The following IGSF9 variants were observed in gnomAD, a reference collection of about 807,000 sequenced individuals.
IGSF9 encodes protein turtle homolog A.
In IGSF9, 87 loss-of-function variants were observed where a neutral mutation model predicts 121.7. The ratio of observed to expected loss-of-function variants is 0.71; its 90% CI spans 0.60 to 0.85. The LOEUF (loss-of-function observed/expected upper bound fraction) is 0.85, where lower values mean the gene tolerates loss of function less well. Ranked by LOEUF, IGSF9 falls within the 40% of genes least tolerant of loss-of-function variation. The pLI, the probability that IGSF9 is intolerant of heterozygous loss-of-function variation, is 0.00. For synonymous variants in IGSF9, 640 were observed against 648.4 expected, an observed-to-expected ratio of 0.99 and a Z score of 0.20; for missense variants, 1,462 against 1,565.3, an observed-to-expected ratio of 0.93 and a Z score of 1.11.
intron 4 of IGSF9, 60 bp from the exon 5 acceptor site, chr1:159,936,968 C>A: frequency 6.4e-7 from 1 of 1,568,248 alleles, no homozygotes; most frequent in Non-Finnish European, 8.7e-7. Context: ...AAGCAGTGTC[C>A]AAGGGCCAGG....
In IGSF9 at chr1:159,928,936, G is replaced by C. The variant is rs930596827; in HGVS notation, c.2452C>G (p.Leu818Val). ...GSPVPSLRQS[L>V]LWGDPAGTPS... ...GTTCCGGCAGGATCCCCCCAGAGCA[G>C]ACTCTGGCGCAGGCTGGGGACTGGG... The change falls in exon 19 of 21, where the codon CTG becomes GTG. Residue 818 changes from leucine (L) to valine (V), a missense_variant. This residue lies in a region of IGSF9 where 808 missense variants were observed against 815.2 expected (regional missense o/e 0.99). Coordinates refer to ENST00000368094, the MANE Select transcript of IGSF9 (RefSeq NM_001135050.2). 1 of 1,561,454 alleles carries C rather than the reference G, an allele frequency of 6.4e-7. No individual in the cohort carries two copies.
Position 159,929,386 on chromosome 1 carries a change from A to G in IGSF9, c.2334T>C (p.Pro778=). Residue 778 remains proline, a synonymous_variant, in exon 18 of 21, where the codon CCT becomes CCC. Transcript: ENST00000368094. ...ACTTCCCGGTCGGAGAGAAGATAAGAGGTGGATCTGGAAGGGCATGAGAAT... is the reference window on the plus strand; with the variant it reads ...ACTTCCCGGTCGGAGAGAAGATAAGGGGTGGATCTGGAAGGGCATGAGAAT... ...RRRKRLRQDP[P]LIFSPTGKSA... 1 of 1,614,148 alleles carries G rather than the reference A, an allele frequency of 6.2e-7. No homozygotes were observed. Among genetic ancestry groups the G allele is most frequent in the Non-Finnish European group, 8.5e-7 (1 of 1,179,998 alleles).
chr1:159,935,695 G>A (rs1023748118), intron 6 of IGSF9, among the ~76,000 whole-genome samples: 11 of 152,206 alleles, frequency 7.2e-5, no homozygotes, highest in African/African-American at 1.2e-4. Context: ...GCACGACCTC[G>A]TTTAATCCTC....
At chr1:159,936,589 G>T in intron 5 of IGSF9, 73 bp from the exon 6 acceptor site, 1 of 1,536,846 alleles carries the variant, frequency 6.5e-7, no homozygotes. Flanking sequence ...AGTTTGGCCA[G>T]CAGAGGGAGG....
chr1:159,930,958 A>G (rs1176113149), intron 13 of IGSF9, 91 bp from the exon 14 acceptor site: 6 of 1,444,840 alleles, frequency 4.2e-6, no homozygotes, highest in Non-Finnish European at 5.6e-6. Context: ...CCCTCTGCTC[A>G]ACCATCCAAG....
rs1393363965 is a variant in IGSF9, at chr1:159,927,365, C to G, written c.3520G>C (p.Glu1174Gln). Residue 1174 changes from glutamate to glutamine, a missense_variant, in exon 21 of 21, where the codon GAA becomes CAA. Transcript: ENST00000368094. ...PAYRQPVPHP[E>Q]QATLL ...GATGTTCACAGCAGAGTGGCCTGTT[C>G]GGGGTGGGGGACTGGCTGTCGATAG... is the stretch of plus-strand genomic sequence containing the variant. The G allele has an allele frequency of 6.2e-7, 1 of 1,613,694 alleles. No homozygotes were observed. Among genetic ancestry groups the G allele is most frequent in the Non-Finnish European group, 8.5e-7 (1 of 1,179,986 alleles).
intron 13 of IGSF9, 106 bp from the exon 14 acceptor site, chr1:159,930,973 C>T (rs188609237): frequency 7.0e-7 from 1 of 1,421,252 alleles, no homozygotes. Context: ...TCCAAGGTCT[C>T]AGGACCTTGG....
chr1:159,927,633 C>A, intron 20 of IGSF9, 107 bp from the exon 21 acceptor site: 1 of 1,539,746 alleles, frequency 6.5e-7, no homozygotes, highest in African/African-American at 1.4e-5. Flanking sequence ...CCCAAGGGGG[C>A]AAGGCACAGT....
intron 17 of IGSF9, 58 bp downstream of exon 17, chr1:159,929,580 G>T: frequency 6.5e-7 from 1 of 1,543,912 alleles, no homozygotes; most frequent in Non-Finnish European, 8.8e-7. Flanking sequence ...AGGTAGGAGG[G>T]GCTTAAGGAG....
intron 3 of IGSF9, among the ~76,000 whole-genome samples, chr1:159,939,934 C>T (rs1557936932): frequency 6.6e-6 from 1 of 152,164 alleles, no homozygotes; most frequent in Admixed American, 6.5e-5. Context: ...TCTGCCTGGC[C>T]GCTAAGCCCT....
chr1:159,928,843 G>A lies in IGSF9; in HGVS notation c.2545C>T (p.Pro849Ser), dbSNP rs1650858379. 1.3e-6 allele frequency: 2 copies of A among 1,561,802 alleles called. No homozygotes were observed. Among genetic ancestry groups the A allele is most frequent in the Non-Finnish European group, 1.7e-6 (2 of 1,156,106 alleles). ...GGCCCCATCACAAAGCGCCCGTCTGGGCCCCGGCAAATGGGCTCCAGAGGT... is the reference window on the plus strand; with the variant it reads ...GGCCCCATCACAAAGCGCCCGTCTGAGCCCCGGCAAATGGGCTCCAGAGGT... The part of the protein sequence containing the change: ...PLPLEPICRG[P>S]DGRFVMGPTV... Residue 849 changes from proline (P) to serine (S), a missense_variant, in exon 19 of 21, where the codon CCA becomes TCA. Coordinates refer to ENST00000368094, the MANE Select transcript of IGSF9 (RefSeq NM_001135050.2).
In IGSF9 at chr1:159,936,841, CA is replaced by C; in HGVS notation, c.467del (p.Leu156ArgfsTer13). On this transcript the variant is annotated frameshift_variant, in exon 5 of 21. Coordinates refer to ENST00000368094, the MANE Select transcript of IGSF9 (RefSeq NM_001135050.2). LOFTEE classifies it high-confidence loss of function. ...GGGGGCTGCCACGGGCCACACAACG[CA>C]GGGTCACAGGCTCCAGTTCCTGCAC... ...LEVQELEPVTLRCVARGSPLP... is the reference protein window; with the variant it reads ...LEVQELEPVTXRCVARGSPLP... 6.2e-7 allele frequency: 1 copy of C among 1,614,218 alleles called. No homozygotes were observed. Among genetic ancestry groups the C allele is most frequent in the Non-Finnish European group, 8.5e-7 (1 of 1,180,024 alleles).
In IGSF9 at chr1:159,936,404, A is replaced by G; in HGVS notation, c.668T>C (p.Val223Ala). 1 of 1,613,164 alleles carries G rather than the reference A, an allele frequency of 6.2e-7. No individual in the cohort carries two copies. ...GSATHATQLL[V>A]LGPPVIVVPP... ...GCCCTCCCGCCAGAGAGCACCTAGC[A>G]CTAGCAGCTGGGTGGCGTGGGTGGC... Residue 223 changes from valine (V) to alanine (A), a missense_variant, in exon 6 of 21, where the codon GTG becomes GCG. Physicochemically the swap from Val to Ala is moderately conservative, Grantham distance 64 (BLOSUM62 0). Coordinates refer to ENST00000368094, the MANE Select transcript of IGSF9 (RefSeq NM_001135050.2).
In IGSF9 at chr1:159,928,843, GGC is replaced by G. The variant is rs1322834628; in HGVS notation, c.2543_2544del (p.Gly848AlafsTer37). ...GPLPLEPICR[G>X]PDGRFVMGPT... ...GGCCCCATCACAAAGCGCCCGTCTG[GGC>G]CCCGGCAAATGGGCTCCAGAGGTAA... On this transcript the variant is annotated frameshift_variant, in exon 19 of 21. Transcript: ENST00000368094. LOFTEE classifies it high-confidence loss of function. The G allele has an allele frequency of 1.9e-6, 3 of 1,561,802 alleles. No homozygotes were observed. The highest frequency in any genetic ancestry group is 1.9e-5 in the Admixed American group (1 of 51,782).
chr1:159,936,952 C>A (rs1651212357), intron 4 of IGSF9, 44 bp from the exon 5 acceptor site: 1 of 1,603,806 alleles, frequency 6.2e-7, no homozygotes. Context: ...GGGCTGTCAG[C>A]CCAAAAAGCA....
At chr1:159,943,740 A>T in intron 1 of IGSF9, 112 bp from the exon 2 acceptor site, 2 of 340,370 alleles carry the variant, frequency 5.9e-6, no homozygotes, top group Admixed American at 4.7e-5. Context: ...AGTGTAGTTA[A>T]GTGAGGGGTA....
Position 159,931,683 on chromosome 1 carries a change from C to A in IGSF9, c.1363-80G>T. On this transcript the variant is annotated intron_variant, in intron 11 of 20. Coordinates refer to ENST00000368094, the MANE Select transcript of IGSF9 (RefSeq NM_001135050.2). This position sits in a 1 kb window ranked among gnomAD's most constrained non-coding sequence, Gnocchi z 4.8. The stretch of plus-strand genomic sequence containing the variant: ...CGCCCCTCATCTCTCCAGGCAGCTC[C>A]AGTTCCTCCCCACCCTGCCTCTGAC... 6.5e-7 allele frequency: 1 copy of A among 1,548,420 alleles called. No homozygotes were observed. The highest frequency in any genetic ancestry group is 2.3e-5 in the East Asian group (1 of 43,856).
intron 1 of IGSF9, 86 bp from the exon 2 acceptor site, chr1:159,943,714 A>G (rs1651488653): frequency 2.5e-6 from 1 of 392,532 alleles, no homozygotes; most frequent in Admixed American, 4.4e-5. Flanking sequence ...GGCACTGGGA[A>G]GAGAAAGGAG....
rs767227752 is a variant in IGSF9, at chr1:159,943,055, A to T, written c.155T>A (p.Leu52Gln). The T allele has an allele frequency of 3.1e-6, 5 of 1,612,994 alleles. No individual in the cohort carries two copies. The highest frequency in any genetic ancestry group is 2.7e-5 in the African/African-American group (2 of 74,808). ...AAAGCGCAGCCACTCGATGACATGC[A>T]GGGGGGGCCGGCCGGCCGGGGGCAG... is the stretch of plus-strand genomic sequence containing the variant. ...DLLPPAGRPP[L>Q]HVIEWLRFGF... The change falls in exon 3 of 21, where the codon CTG (leucine) becomes CAG (glutamine). Residue 52 changes from leucine (L) to glutamine (Q), a missense_variant. By Grantham distance (113) the Leu-to-Gln change is moderately radical. This residue lies in a region of IGSF9 where 558 missense variants were observed against 599.4 expected (regional missense o/e 0.93). Coordinates refer to ENST00000368094, the MANE Select transcript of IGSF9 (RefSeq NM_001135050.2).
Sources: allele counts gnomAD v4.1 joint callset (sites outside exome capture counted in the v4.1 genomes callset), GRCh38; gene constraint gnomAD v4.1.1; regional missense constraint gnomAD v4.1.1; non-coding constraint Gnocchi (gnomAD v3.1); transcripts MANE v1.5; gene names NCBI Gene and HGNC (gene_info 2026-07-23, HGNC 2026-07-21).